Variants in STK3 observed in about 807,000 individuals in gnomAD.
STK3 encodes serine/threonine-protein kinase 3.
STK3 carries 41 observed loss-of-function variants against 58.0 expected under a neutral mutation model. The ratio of observed to expected loss-of-function variants is 0.71; its 90% CI spans 0.55 to 0.92. The LOEUF (loss-of-function observed/expected upper bound fraction) is 0.92. STK3 is among the 40% of genes least tolerant of loss of function. STK3 has a pLI of 0.00. For synonymous variants in STK3, 170 were observed against 191.0 expected (o/e 0.89, Z 0.91); for missense variants, 479 against 602.7 (o/e 0.79, Z 2.15).
intron 1 of STK3, among the ~76,000 whole-genome samples, chr8:98,775,720 A>G (rs796672967): frequency 1.3e-5 from 2 of 152,220 alleles, no homozygotes; most frequent in Non-Finnish European, 2.9e-5. Flanking sequence ...AAACAGAAGG[A>G]TAAATTGTTG....
At chr8:98,701,209 A>T (rs1196429147) in intron 6 of STK3, among the ~76,000 whole-genome samples, 1 of 151,272 alleles carries the variant, frequency 6.6e-6, no homozygotes, top group Non-Finnish European at 1.5e-5. Context: ...AGGGAGGGAA[A>T]AGAAAGGAAA....
chr8:98,914,944 C>T (rs1368422361), intron 1 of STK3, among the ~76,000 whole-genome samples: 2 of 152,138 alleles, frequency 1.3e-5, no homozygotes, highest in Non-Finnish European at 2.9e-5. Context: ...GGATTTAGGT[C>T]CAAATTCATT....
Position 98,482,532 on chromosome 8 carries a change from C to T in STK3, c.1318-26532G>A, listed in dbSNP as rs551723750. On this transcript the variant is annotated intron_variant, in intron 10 of 10. Transcript: ENST00000419617. ...TCTCGCATTTAGGTAACTTTGTCCC[C>T]TATGAGATGACCCTCAGAAGTTGTC... Among the ~76,000 whole-genome samples the T allele has an allele frequency of 2.6e-5, 4 of 152,264 alleles. No homozygotes were observed. In the East Asian group the frequency reaches 7.7e-4, roughly 29 times the overall value.
At chr8:98,488,260 G>A (rs1822425407) in intron 10 of STK3, among the ~76,000 whole-genome samples, 1 of 152,166 alleles carries the variant, frequency 6.6e-6, no homozygotes, top group Non-Finnish European at 1.5e-5. Context: ...GCTGGCAAAA[G>A]TGCAGTCATT....
At chr8:98,740,496 G>C (rs1829100417) in intron 4 of STK3, among the ~76,000 whole-genome samples, 1 of 152,120 alleles carries the variant, frequency 6.6e-6, no homozygotes, top group South Asian at 2.1e-4. Flanking sequence ...GCCAAACTAA[G>C]CTTCATAAGT....
chr8:98,636,631 T>C (rs1222486511), intron 6 of STK3, among the ~76,000 whole-genome samples: 1 of 152,160 alleles, frequency 6.6e-6, no homozygotes, highest in Non-Finnish European at 1.5e-5. Flanking sequence ...TGTTTATAGT[T>C]ATTGTACTGG....
downstream of STK3, among the ~76,000 whole-genome samples, chr8:98,371,003 A>G (rs938630773): frequency 2.6e-5 from 4 of 152,226 alleles, no homozygotes; most frequent in Non-Finnish European, 4.4e-5. Flanking sequence ...TAGGAAAGAG[A>G]TTGGGAGCTC....
At chr8:98,652,070 G>A (rs1049686031) in intron 6 of STK3, among the ~76,000 whole-genome samples, 10 of 152,176 alleles carry the variant, frequency 6.6e-5, no homozygotes, top group African/African-American at 2.4e-4. Flanking sequence ...AAATGTTAAG[G>A]GCAGCCAGAG....
intron 1 of STK3, among the ~76,000 whole-genome samples, chr8:98,938,937 ATC>A (rs1226952519): frequency 2.0e-5 from 3 of 152,184 alleles, no homozygotes; most frequent in Non-Finnish European, 4.4e-5. Flanking sequence ...AATCAGTCAG[ATC>A]TAGTATTAGA....
intron 1 of STK3, among the ~76,000 whole-genome samples, chr8:98,918,473 A>C (rs770630419): frequency 2.6e-5 from 4 of 152,226 alleles, no homozygotes; most frequent in Non-Finnish European, 5.9e-5. Context: ...AGTATTTATT[A>C]ACTGTAGAAA....
At chr8:98,589,520 T>C (rs1173519184) in intron 7 of STK3, among the ~76,000 whole-genome samples, 1 of 152,242 alleles carries the variant, frequency 6.6e-6, no homozygotes, top group African/African-American at 2.4e-5. Flanking sequence ...ACAGGGACAT[T>C]TAAGTCTGCA....
At chr8:98,870,852 T>A (rs1837345641) in intron 3 of STK3, among the ~76,000 whole-genome samples, 1 of 152,238 alleles carries the variant, frequency 6.6e-6, no homozygotes, top group Non-Finnish European at 1.5e-5. Flanking sequence ...TTTAATTAGA[T>A]CCCATTTGTC....
intron 10 of STK3, among the ~76,000 whole-genome samples, chr8:98,467,780 T>C (rs1371330845): frequency 6.6e-6 from 1 of 152,112 alleles, no homozygotes; most frequent in African/African-American, 2.4e-5. Context: ...TCTCAAAAAA[T>C]TCTCCAAAAC....
chr8:98,624,998 T>G (rs1172494833), intron 6 of STK3, among the ~76,000 whole-genome samples: 2 of 152,160 alleles, frequency 1.3e-5, no homozygotes, highest in East Asian at 3.8e-4. Flanking sequence ...GAAGTCCAGT[T>G]GAATTTTAAA....
At chr8:98,412,535 T>C (rs550013397) in intron 3 of STK3, among the ~76,000 whole-genome samples, 1 of 152,312 alleles carries the variant, frequency 6.6e-6, no homozygotes, top group East Asian at 1.9e-4. Context: ...GTAGCTGTTG[T>C]GCTCCCGGGG....
chr8:98,545,357 T>C (rs1393908849), intron 9 of STK3, among the ~76,000 whole-genome samples: 2 of 152,160 alleles, frequency 1.3e-5, no homozygotes, highest in Non-Finnish European at 2.9e-5. Context: ...GCCTTAGGGA[T>C]ATCTGAATAG....
intron 4 of STK3, among the ~76,000 whole-genome samples, chr8:98,737,066 C>T (rs1473622711): frequency 1.3e-5 from 2 of 152,150 alleles, no homozygotes; most frequent in Non-Finnish European, 2.9e-5. Context: ...CAACCTTGTT[C>T]TCAACCTATA....
intron 6 of STK3, among the ~76,000 whole-genome samples, chr8:98,645,324 T>C (rs1252220901): frequency 6.6e-6 from 1 of 152,154 alleles, no homozygotes; most frequent in Non-Finnish European, 1.5e-5. Flanking sequence ...ACTCCAATAT[T>C]AGCTTCAAAA....
chr8:98,901,722 A>T (rs554010457), intron 1 of STK3, among the ~76,000 whole-genome samples: 1 of 152,358 alleles, frequency 6.6e-6, no homozygotes, highest in South Asian at 2.1e-4. Context: ...GTGGCCTGGG[A>T]TAGAGGCAGC....
Sources: allele counts gnomAD v4.1 joint callset (sites outside exome capture counted in the v4.1 genomes callset), GRCh38; gene constraint gnomAD v4.1.1; transcripts MANE v1.5; gene names NCBI Gene and HGNC (gene_info 2026-07-23, HGNC 2026-07-21).